ANK3: variants seen among roughly 807,000 people sequenced by gnomAD.
ANK3 encodes the protein ankyrin-3.
Under a neutral mutation model 370.9 loss-of-function variants are expected in ANK3, and 57 were observed. The ratio of observed to expected loss-of-function variants is 0.15; its 90% CI spans 0.12 to 0.19. The LOEUF (loss-of-function observed/expected upper bound fraction) is 0.19, where lower values mean the gene tolerates loss of function less well. Among genes scored for constraint, ANK3 ranks in the 10% least tolerant of loss-of-function variants. The probability of loss-of-function intolerance (pLI) is 1.00; values close to 1 mark genes in which losing one functional copy is unlikely to be tolerated. For synonymous variants in ANK3, 1,929 were observed against 1,946.3 expected, an observed-to-expected ratio of 0.99 and a Z score of 0.23; for missense variants, 4,439 against 5,302.1, an observed-to-expected ratio of 0.84 and a Z score of 5.06.
chr10:60,176,829 A>C (rs1221377996), intron 18 of ANK3, among the ~76,000 whole-genome samples: 1 of 151,840 alleles, frequency 6.6e-6, no homozygotes, highest in East Asian at 1.9e-4. Flanking sequence ...TTTGCTAACC[A>C]TTTTTCTTTC....
chr10:60,269,964 T>C (rs1463246552), intron 5 of ANK3, among the ~76,000 whole-genome samples, 167 bp downstream of exon 5: 1 of 152,158 alleles, frequency 6.6e-6, no homozygotes, highest in Non-Finnish European at 1.5e-5. Context: ...AGAAGATTTG[T>C]AAAAATTAAA....
At chr10:60,195,440 C>T (rs1389590353) in intron 16 of ANK3, among the ~76,000 whole-genome samples, 1 of 151,668 alleles carries the variant, frequency 6.6e-6, no homozygotes, top group Non-Finnish European at 1.5e-5. Flanking sequence ...CAATGGTCCT[C>T]CAACCAATAG....
At chr10:60,154,707 A>C (rs2095271926) in intron 23 of ANK3, among the ~76,000 whole-genome samples, 1 of 152,288 alleles carries the variant, frequency 6.6e-6, no homozygotes, top group South Asian at 2.1e-4. Context: ...AGGCAGGAGA[A>C]TCACTTGAAC....
rs1404163551 is a variant in ANK3, at chr10:60,469,039, ATATATATATATATATACCACTTTTAG to A, written c.96+146121_96+146146del. Among the ~76,000 whole-genome samples, 11 of 67,680 alleles carry A rather than the reference ATATATATATATATATACCACTTTTAG, an allele frequency of 1.6e-4. 1 individual carries two copies. Among genetic ancestry groups the A allele is most frequent in the Non-Finnish European group, 2.9e-4 (10 of 34,884 alleles). 44.4% of individuals were successfully genotyped at this position (67,680 alleles called of 152,430 possible). ...TATATACCACTTTTAGTGTATATATATATATATATATATATACCACTTTTAGTATATATATATATATATATATATAT... is the reference window on the plus strand; with the variant it reads ...TATATACCACTTTTAGTGTATATATATATATATATATATATATATATATAT... On this transcript the variant is annotated intron_variant, in intron 2 of 43. Transcript: ENST00000373827.
chr10:60,121,690 C>A (rs138595379), intron 25 of ANK3, among the ~76,000 whole-genome samples: 160 of 142,172 alleles, frequency 1.1e-3, no homozygotes, highest in Middle Eastern at 3.5e-3. Flanking sequence ...GACCCTTTCT[C>A]AAAAAAAAAA....
At chr10:60,361,354 C>T (rs10509130) in intron 1 of ANK3, among the ~76,000 whole-genome samples, 110,736 of 152,070 alleles carry the variant, frequency 0.73, 40,823 homozygotes, top group South Asian at 0.91. Context: ...TTGTGGTTAA[C>T]AGTAATAGTC....
intron 26 of ANK3, among the ~76,000 whole-genome samples, chr10:60,112,622 A>G (rs1304514497): frequency 1.3e-5 from 2 of 152,202 alleles, no homozygotes; most frequent in African/African-American, 2.4e-5. Flanking sequence ...AACCTGAAGC[A>G]TTCCTCTGAG....
chr10:60,240,307 T>TA (rs1491120014), intron 7 of ANK3, among the ~76,000 whole-genome samples: 132 of 48,220 alleles, frequency 2.7e-3, no homozygotes, highest in Middle Eastern at 0.013. Context: ...TATATATATA[T>TA]TTTTTTTTCT....
At chr10:60,448,774 C>G (rs1439897487) in intron 2 of ANK3, among the ~76,000 whole-genome samples, 2 of 152,224 alleles carry the variant, frequency 1.3e-5, no homozygotes, top group East Asian at 3.8e-4. Context: ...GAATTGATTA[C>G]TAATTCCTTT....
intron 2 of ANK3, among the ~76,000 whole-genome samples, chr10:60,449,107 C>T (rs189234740): frequency 9.9e-5 from 15 of 152,250 alleles, no homozygotes; most frequent in African/African-American, 3.4e-4. Flanking sequence ...ATGGGTCTCT[C>T]TGGACATATA....
At chr10:60,428,514 A>C (rs1226314897) in intron 2 of ANK3, among the ~76,000 whole-genome samples, 1 of 152,200 alleles carries the variant, frequency 6.6e-6, no homozygotes, top group South Asian at 2.1e-4. Flanking sequence ...TTGCTTCATC[A>C]CTACACCATG....
chr10:60,486,893 T>A (rs181988539), intron 2 of ANK3, among the ~76,000 whole-genome samples: 15 of 152,360 alleles, frequency 9.8e-5, no homozygotes, highest in Non-Finnish European at 1.9e-4. Context: ...AACTGGACTT[T>A]AATTCTTAAA....
rs867861068 is a variant in ANK3 at position 60,469,054 on chromosome 10, T to C, written c.96+146132A>G. Among the ~76,000 whole-genome samples the C allele has an allele frequency of 1.8e-3, 63 of 34,928 alleles. 10 individuals carry two copies. Among genetic ancestry groups the C allele is most frequent in the Admixed American group, 0.018 (49 of 2,730 alleles). The allele number at this position is 34,928 out of a possible 152,430, so 22.9% of individuals were successfully genotyped here. ...GTGTATATATATATATATATATATA[T>C]ACCACTTTTAGTATATATATATATA... On this transcript the variant is annotated intron_variant, in intron 2 of 43. Transcript: ENST00000373827.
intron 23 of ANK3, among the ~76,000 whole-genome samples, chr10:60,161,300 C>G (rs1436881677): frequency 6.6e-6 from 1 of 152,004 alleles, no homozygotes; most frequent in African/African-American, 2.4e-5. Flanking sequence ...TAAATTAGTA[C>G]AGTTACTATA....
chr10:60,097,402 A>G (rs2132056380), intron 28 of ANK3, among the ~76,000 whole-genome samples: 1 of 152,296 alleles, frequency 6.6e-6, no homozygotes, highest in East Asian at 1.9e-4. Flanking sequence ...GACCCATCTA[A>G]GCAGCAGGCC....
At chr10:60,219,315 T>A (rs550845366) in intron 8 of ANK3, among the ~76,000 whole-genome samples, 2 of 152,260 alleles carry the variant, frequency 1.3e-5, no homozygotes, top group Admixed American at 6.5e-5. Flanking sequence ...TACTTAATGA[T>A]CTTTCACCCA....
chr10:60,101,460 G>A (rs1589996290), intron 28 of ANK3, among the ~76,000 whole-genome samples: 1 of 152,164 alleles, frequency 6.6e-6, no homozygotes, highest in Non-Finnish European at 1.5e-5. Context: ...AACTTAAAAA[G>A]TTAATTCAGT....
chr10:60,268,292 A>T (rs2097911388), intron 5 of ANK3, among the ~76,000 whole-genome samples: 2 of 152,206 alleles, frequency 1.3e-5, no homozygotes, highest in African/African-American at 4.8e-5. Flanking sequence ...GGTATAAAAT[A>T]AAAAAATATG....
At chr10:60,196,433 A>T in intron 15 of ANK3, 94 bp downstream of exon 15, 1 of 981,424 alleles carries the variant, frequency 1.0e-6, no homozygotes, top group Non-Finnish European at 1.6e-6. Context: ...TTAAATATTT[A>T]GTTATAATTT....
Sources: allele counts gnomAD v4.1 joint callset (sites outside exome capture counted in the v4.1 genomes callset), GRCh38; gene constraint gnomAD v4.1.1; transcripts MANE v1.5; gene names NCBI Gene and HGNC (gene_info 2026-07-23, HGNC 2026-07-21).